Variants in PALM observed in about 807,000 individuals in gnomAD.
The protein encoded by PALM is paralemmin-1.
Under a neutral mutation model 30.7 loss-of-function variants are expected in PALM, and 18 were observed. The ratio of observed to expected loss-of-function variants is 0.59; its 90% CI spans 0.41 to 0.87. PALM has a LOEUF of 0.87. PALM is among the 40% of genes least tolerant of loss of function. PALM has a pLI of 0.00. For missense variants in PALM, 529 were observed against 555.4 expected, an observed-to-expected ratio of 0.95 and a Z score of 0.48; for synonymous variants, 286 against 242.8, an observed-to-expected ratio of 1.18 and a Z score of -1.66.
chr19:726,731 G>T (rs2144879234), intron 2 of PALM, among the ~76,000 whole-genome samples: 1 of 152,332 alleles, frequency 6.6e-6, no homozygotes, highest in African/African-American at 2.4e-5. Flanking sequence ...TTGAACTCCT[G>T]AACTCAAGTG....
intron 8 of PALM, among the ~76,000 whole-genome samples, chr19:741,654 C>T (rs373658601): frequency 6.6e-6 from 1 of 151,880 alleles, no homozygotes; most frequent in South Asian, 2.1e-4. Context: ...GGCAGGGGGA[C>T]AGGCGGGGCC....
chr19:727,225 C>CGACCCT, intron 3 of PALM, 137 bp downstream of exon 3: 1 of 535,864 alleles, frequency 1.9e-6, no homozygotes. Flanking sequence ...ACCCTGACCC[C>CGACCCT]GACCCTGACC....
rs939414321 is a variant in PALM, at chr19:709,275, C to A, written c.5+124C>A. ...TGCCCCCGCGAGGAGCAGGAGGCGGCGCGGGGCTGCTGGGGCCGCAGCGCA... is the reference window on the plus strand; with the variant it reads ...TGCCCCCGCGAGGAGCAGGAGGCGGAGCGGGGCTGCTGGGGCCGCAGCGCA... On this transcript the variant is annotated intron_variant, in intron 1 of 8. Coordinates refer to ENST00000338448, the MANE Select transcript of PALM (RefSeq NM_002579.3). This position sits in a 1 kb window ranked among gnomAD's most constrained non-coding sequence, Gnocchi z 4.3. The A allele has an allele frequency of 1.9e-5, 5 of 258,244 alleles. No homozygotes were observed. Among genetic ancestry groups the A allele is most frequent in the Non-Finnish European group, 2.2e-5 (3 of 135,690 alleles). The allele number at this position is 258,244 out of a possible 1,614,324, so 16.0% of individuals were successfully genotyped here.
At chr19:718,318 C>T (rs556194581) in intron 1 of PALM, among the ~76,000 whole-genome samples, 2 of 152,166 alleles carry the variant, frequency 1.3e-5, no homozygotes, top group African/African-American at 2.4e-5. Flanking sequence ...GCCTGAGGCC[C>T]GGGGAGGTCT....
At chr19:730,556 C>T (rs758420052) in intron 4 of PALM, among the ~76,000 whole-genome samples, 3 of 152,214 alleles carry the variant, frequency 2.0e-5, no homozygotes, top group African/African-American at 7.2e-5. Context: ...ATAAACAGCG[C>T]AGGCCAGGGG....
chr19:717,846 T>C (rs1035532403), intron 1 of PALM, among the ~76,000 whole-genome samples: 1 of 152,110 alleles, frequency 6.6e-6, no homozygotes, highest in African/African-American at 2.4e-5. Context: ...GAGCACCTGC[T>C]GTATGCCTGG....
intron 1 of PALM, among the ~76,000 whole-genome samples, chr19:724,454 G>T (rs2032594908): frequency 6.6e-6 from 1 of 151,698 alleles, no homozygotes; most frequent in South Asian, 2.1e-4. Flanking sequence ...CAAGTAGCTG[G>T]GATTACAGGT....
chr19:730,577 CAG>C (rs1188892678), intron 4 of PALM, among the ~76,000 whole-genome samples: 2 of 152,202 alleles, frequency 1.3e-5, no homozygotes, highest in Non-Finnish European at 2.9e-5. Context: ...TCAGGGGACA[CAG>C]GGAGTCAGCC....
Position 746,310 on chromosome 19 carries a change from C to G in PALM, c.660C>G (p.Ala220=). Residue 220 remains alanine (A), a synonymous_variant, in exon 9 of 9, where the codon GCC becomes GCG. Coordinates refer to ENST00000338448, the MANE Select transcript of PALM (RefSeq NM_002579.3). This position sits in a 1 kb window ranked among gnomAD's most constrained non-coding sequence, Gnocchi z 7.1. ...TGGTCCATGCTGTGGACGGCACCGC[C>G]GAGAACGGGATCCACCCCCTGAGCT... ...TKVVHAVDGT[A]ENGIHPLSSS... The G allele has an allele frequency of 1.2e-6, 2 of 1,613,602 alleles. No individual in the cohort carries two copies. The highest frequency in any genetic ancestry group is 1.7e-6 in the Non-Finnish European group (2 of 1,179,710).
chr19:736,548 A>G (rs2033029918), intron 7 of PALM, among the ~76,000 whole-genome samples: 1 of 152,164 alleles, frequency 6.6e-6, no homozygotes, highest in African/African-American at 2.4e-5. Flanking sequence ...TCCGAGAAGC[A>G]GGGGAAGGTG....
intron 4 of PALM, 53 bp downstream of exon 4, chr19:727,747 T>A: frequency 6.8e-7 from 1 of 1,471,786 alleles, no homozygotes; most frequent in Non-Finnish European, 9.1e-7. Context: ...CGGGGGCCGC[T>A]GGCTCCCGGG....
At chr19:710,220 T>C (rs2032026871) in intron 1 of PALM, among the ~76,000 whole-genome samples, 1 of 151,996 alleles carries the variant, frequency 6.6e-6, no homozygotes, top group African/African-American at 2.4e-5. Context: ...TCCCCGGGGA[T>C]TCACCCGTGA....
chr19:736,749 G>C (rs1038532729), intron 7 of PALM, among the ~76,000 whole-genome samples: 1 of 152,196 alleles, frequency 6.6e-6, no homozygotes, highest in Non-Finnish European at 1.5e-5. Flanking sequence ...AGCTGGAACA[G>C]CACAGAAAGA....
chr19:746,501 C>A lies in PALM; in HGVS notation c.851C>A (p.Thr284Lys). 6.2e-7 allele frequency: 1 copy of A among 1,612,176 alleles called. No individual in the cohort carries two copies. The highest frequency in any genetic ancestry group is 8.5e-7 in the Non-Finnish European group (1 of 1,179,560). ...GTGCAGGCACAGCCAGGCGAGGCCA[C>A]GTCCGGCCCGCCGGGGATCCAGCCC... ...TGVQAQPGEATSGPPGIQPGQ... is the reference protein window; with the variant it reads ...TGVQAQPGEAKSGPPGIQPGQ... Residue 284 changes from threonine (T) to lysine (K), a missense_variant, in exon 9 of 9, where the codon ACG becomes AAG. Coordinates refer to ENST00000338448, the MANE Select transcript of PALM (RefSeq NM_002579.3). This position sits in a 1 kb window ranked among gnomAD's most constrained non-coding sequence, Gnocchi z 7.1.
intron 1 of PALM, among the ~76,000 whole-genome samples, chr19:713,636 C>T (rs1189535984): frequency 2.6e-5 from 4 of 151,706 alleles, no homozygotes; most frequent in South Asian, 2.1e-4. Flanking sequence ...TGGAGCACAG[C>T]GGTGTGATCT....
At chr19:720,635 A>T (rs1345122926) in intron 1 of PALM, among the ~76,000 whole-genome samples, 2 of 83,792 alleles carry the variant, frequency 2.4e-5, no homozygotes, top group African/African-American at 9.9e-5. Flanking sequence ...GGCGCCCGTG[A>T]CTGCGGGGGC....
At chr19:740,726 G>A (rs1469863713) in intron 8 of PALM, among the ~76,000 whole-genome samples, 2 of 152,190 alleles carry the variant, frequency 1.3e-5, no homozygotes, top group Admixed American at 6.5e-5. Context: ...AAGCTGAGCC[G>A]GGCACCAGGT....
intron 1 of PALM, among the ~76,000 whole-genome samples, chr19:715,189 A>G (rs2144847786): frequency 6.6e-6 from 1 of 151,984 alleles, no homozygotes; most frequent in South Asian, 2.1e-4. Context: ...AATCGCTTGA[A>G]CCTGGGAGGC....
chr19:737,844 G>A (rs1005549627), intron 7 of PALM, among the ~76,000 whole-genome samples: 21 of 152,144 alleles, frequency 1.4e-4, no homozygotes, highest in African/African-American at 4.1e-4. Context: ...TGGCAGGGGC[G>A]GGAGGGGACG....
Sources: allele counts gnomAD v4.1 joint callset (sites outside exome capture counted in the v4.1 genomes callset), GRCh38; gene constraint gnomAD v4.1.1; non-coding constraint Gnocchi (gnomAD v3.1); transcripts MANE v1.5; gene names NCBI Gene and HGNC (gene_info 2026-07-23, HGNC 2026-07-21).